The following PRKN variants were observed in gnomAD, a reference collection of about 807,000 sequenced individuals.
PRKN encodes the protein E3 ubiquitin-protein ligase parkin.
In PRKN, 56 loss-of-function variants were observed where a neutral mutation model predicts 59.5. That is an observed-to-expected ratio of 0.94 (90% CI 0.76 to 1.18). PRKN has a LOEUF of 1.18. Among genes scored for constraint, PRKN ranks in the 50% most tolerant of loss-of-function variants. The pLI, the probability that PRKN is intolerant of heterozygous loss-of-function variation, is 0.00. For synonymous variants in PRKN, 250 were observed against 222.1 expected, an observed-to-expected ratio of 1.13 and a Z score of -1.12; for missense variants, 657 against 596.4, an observed-to-expected ratio of 1.10 and a Z score of -1.06.
chr6:162,480,976 TTGTGTG>T (rs112268739), intron 1 of PRKN, among the ~76,000 whole-genome samples: 3 of 149,936 alleles, frequency 2.0e-5, no homozygotes, highest in Admixed American at 1.3e-4. Context: ...CAGCTAATTT[TTGTGTG>T]TGTGTGTGTG....
At chr6:161,565,745 A>C (rs560539847) in intron 8 of PRKN, among the ~76,000 whole-genome samples, 209 of 152,234 alleles carry the variant, frequency 1.4e-3, no homozygotes, top group African/African-American at 4.6e-3. Flanking sequence ...AGACCAGACT[A>C]ATACATCTCC....
At chr6:161,862,322 C>T (rs575320327) in intron 6 of PRKN, among the ~76,000 whole-genome samples, 23 of 152,236 alleles carry the variant, frequency 1.5e-4, no homozygotes, top group African/African-American at 5.5e-4. Flanking sequence ...GGGGATTACT[C>T]GAATAGGAAA....
intron 7 of PRKN, among the ~76,000 whole-genome samples, chr6:161,721,990 C>T (rs1004708403): frequency 2.0e-5 from 3 of 152,150 alleles, no homozygotes; most frequent in African/African-American, 7.2e-5. Context: ...TTTTTCCACT[C>T]AGACTCACAG....
intron 1 of PRKN, among the ~76,000 whole-genome samples, chr6:162,493,711 G>A (rs1043419809): frequency 1.3e-5 from 2 of 152,094 alleles, no homozygotes; most frequent in East Asian, 1.9e-4. Flanking sequence ...ATCCTTTGAC[G>A]AAAGCGTCCA....
At chr6:162,554,617 G>A (rs1417285192) in intron 1 of PRKN, among the ~76,000 whole-genome samples, 1 of 151,608 alleles carries the variant, frequency 6.6e-6, no homozygotes. Context: ...GTTAACAGAT[G>A]ACAGTGGCAA....
chr6:161,386,831 C>G lies in PRKN; in HGVS notation c.1130G>C (p.Cys377Ser), dbSNP rs1583005052. ...TCCTGAGGCTTCAAATACGGCACTG[C>G]ACTCCCCTTCATGGTACGCTTCTTT... Reference protein sequence around the residue: ...ECKEAYHEGECSAVFEASGTT... With the variant: ...ECKEAYHEGESSAVFEASGTT... Residue 377 changes from cysteine (C) to serine (S), a missense_variant, in exon 10 of 12, where the codon TGC becomes TCC. Transcript: ENST00000366898. The surrounding 1 kb of genome is among the most constrained non-coding windows in gnomAD (Gnocchi z 4.3). 6.2e-7 allele frequency: 1 copy of G among 1,614,034 alleles called. No homozygotes were observed. The highest frequency in any genetic ancestry group is 8.5e-7 in the Non-Finnish European group (1 of 1,179,936).
chr6:161,850,936 G>C (rs1793408121), intron 6 of PRKN, among the ~76,000 whole-genome samples: 1 of 152,140 alleles, frequency 6.6e-6, no homozygotes, highest in African/African-American at 2.4e-5. Flanking sequence ...GGATGTTAAA[G>C]GTAACTGAGT....
chr6:162,096,893 G>A (rs1331982185), intron 4 of PRKN, among the ~76,000 whole-genome samples: 2 of 99,316 alleles, frequency 2.0e-5, no homozygotes, highest in East Asian at 2.9e-4. Context: ...ATGGAGTCTC[G>A]TTTTGCTCTG....
chr6:161,546,216 A>G lies in PRKN; in HGVS notation c.1083+2638T>C, dbSNP rs530828829. Among the ~76,000 whole-genome samples the G allele has an allele frequency of 1.3e-5, 2 of 152,366 alleles. No individual in the cohort carries two copies. Among genetic ancestry groups the G allele is most frequent in the South Asian group, 4.1e-4 (2 of 4,832 alleles). ...CCAGGAACTATTCTAAGTATTTTAC[A>G]CTTATTATCTCATTTAGTATGCACA... On this transcript the variant is annotated intron_variant, in intron 9 of 11. Coordinates refer to ENST00000366898, the MANE Select transcript of PRKN (RefSeq NM_004562.3). This position sits in a 1 kb window ranked among gnomAD's most constrained non-coding sequence, Gnocchi z 4.4.
At chr6:161,737,363 G>A (rs951425719) in intron 7 of PRKN, among the ~76,000 whole-genome samples, 1 of 152,164 alleles carries the variant, frequency 6.6e-6, no homozygotes, top group African/African-American at 2.4e-5. Flanking sequence ...TTCACATGAG[G>A]GACAGAACAT....
At chr6:162,689,822 C>G (rs761292136) in intron 1 of PRKN, among the ~76,000 whole-genome samples, 1 of 152,116 alleles carries the variant, frequency 6.6e-6, no homozygotes, top group Non-Finnish European at 1.5e-5. Flanking sequence ...AACAGTAGAG[C>G]GAGGCAGAGT....
chr6:162,386,111 TC>T, intron 2 of PRKN, among the ~76,000 whole-genome samples: 1 of 152,172 alleles, frequency 6.6e-6, no homozygotes. Flanking sequence ...AGTGACTCAA[TC>T]ATTAAATATT....
In PRKN at chr6:161,502,272, C is replaced by A. The variant is rs556606731; in HGVS notation, c.1083+46582G>T. Reference sequence around the variant, plus strand: ...TATCCCTATGTTATAGCTGAGGACGCTGAGACATAAAGAGATTAAGACGCT... The same window carrying A: ...TATCCCTATGTTATAGCTGAGGACGATGAGACATAAAGAGATTAAGACGCT... On this transcript the variant is annotated intron_variant, in intron 9 of 11. Coordinates refer to ENST00000366898, the MANE Select transcript of PRKN (RefSeq NM_004562.3). This position sits in a 1 kb window ranked among gnomAD's most constrained non-coding sequence, Gnocchi z 4.0. 1.3e-4 allele frequency among the ~76,000 whole-genome samples: 20 copies of A among 152,184 alleles called. No homozygotes were observed. The South Asian group carries it at 3.3e-3, about 25-fold the overall frequency.
chr6:161,422,546 C>T (rs1248176428), intron 9 of PRKN, among the ~76,000 whole-genome samples: 1 of 152,108 alleles, frequency 6.6e-6, no homozygotes, highest in Non-Finnish European at 1.5e-5. Context: ...CACCTATCTC[C>T]TCTCTTTCTT....
intron 2 of PRKN, among the ~76,000 whole-genome samples, chr6:162,368,892 C>T (rs1159042974): frequency 6.6e-6 from 1 of 152,146 alleles, no homozygotes; most frequent in Non-Finnish European, 1.5e-5. Flanking sequence ...TAATATTGGC[C>T]TAGTTCTCTT....
In PRKN at chr6:161,530,764, C is replaced by T. The variant is rs1463486381; in HGVS notation, c.1083+18090G>A. On this transcript the variant is annotated intron_variant, in intron 9 of 11. Coordinates refer to ENST00000366898, the MANE Select transcript of PRKN (RefSeq NM_004562.3). This position sits in a 1 kb window ranked among gnomAD's most constrained non-coding sequence, Gnocchi z 5.0. ...AACTCCTGACCTCAGGTGATCCGCC[C>T]GTATTGGCCTCCCAAAGTGCTGGGA... Among the ~76,000 whole-genome samples the T allele has an allele frequency of 4.0e-5, 6 of 151,898 alleles. No homozygotes were observed. The highest frequency in any genetic ancestry group is 1.4e-4 in the African/African-American group (6 of 41,396).
At chr6:162,188,231 T>C (rs1339088185) in intron 4 of PRKN, among the ~76,000 whole-genome samples, 1 of 152,164 alleles carries the variant, frequency 6.6e-6, no homozygotes, top group Non-Finnish European at 1.5e-5. Context: ...GGTATGTCTT[T>C]ATCAGCAGAC....
chr6:161,350,168 G>A lies in PRKN; in HGVS notation c.1329C>T (p.Leu443=), dbSNP rs1431609897. 3 of 1,613,422 alleles carry A rather than the reference G, an allele frequency of 1.9e-6. No homozygotes were observed. The highest frequency in any genetic ancestry group is 2.5e-6 in the Non-Finnish European group (3 of 1,179,940). ...HMKCPQPQCR[L]EWCWNCGCEW... is the part of the protein sequence containing the mutation. ...CGCAGCCACAGTTCCAGCACCACTCGAGCCTGCACTGGGGCTGCGGACACT... is the reference window on the plus strand; with the variant it reads ...CGCAGCCACAGTTCCAGCACCACTCAAGCCTGCACTGGGGCTGCGGACACT... The change falls in exon 12 of 12, where the codon CTC becomes CTT. Residue 443 remains leucine (L), a synonymous_variant. Transcript: ENST00000366898.
chr6:161,618,018 C>T (rs992824596), intron 7 of PRKN, among the ~76,000 whole-genome samples: 8 of 152,206 alleles, frequency 5.3e-5, no homozygotes, highest in South Asian at 4.1e-4. Context: ...GGACACCAAA[C>T]GGGTGCTGTA....
Sources: allele counts gnomAD v4.1 joint callset (sites outside exome capture counted in the v4.1 genomes callset), GRCh38; gene constraint gnomAD v4.1.1; non-coding constraint Gnocchi (gnomAD v3.1); transcripts MANE v1.5; gene names NCBI Gene and HGNC (gene_info 2026-07-23, HGNC 2026-07-21).